Variants in PSD3 observed in about 807,000 individuals in gnomAD.
PSD3 encodes the protein pleckstrin and Sec7 domain containing 3, also known as PH and SEC7 domain-containing protein 3.
Under a neutral mutation model 105.5 loss-of-function variants are expected in PSD3, and 49 were observed. The ratio of observed to expected loss-of-function variants is 0.46; its 90% CI spans 0.37 to 0.59. PSD3 has a LOEUF of 0.59. Ranked by LOEUF, PSD3 falls within the 20% of genes least tolerant of loss-of-function variation. PSD3 has a pLI of 0.00. For missense variants in PSD3, 1,561 were observed against 1,263.8 expected, an observed-to-expected ratio of 1.24 and a Z score of -3.57; for synonymous variants, 557 against 457.8, an observed-to-expected ratio of 1.22 and a Z score of -2.77.
chr8:19,071,245 T>C (rs975828386), intron 1 of PSD3, among the ~76,000 whole-genome samples: 2 of 152,166 alleles, frequency 1.3e-5, no homozygotes, highest in African/African-American at 4.8e-5. Flanking sequence ...TTATTTATTT[T>C]TTAGTAGAGA....
chr8:18,866,302 T>C (rs952429148), intron 4 of PSD3, among the ~76,000 whole-genome samples: 3 of 152,214 alleles, frequency 2.0e-5, no homozygotes, highest in African/African-American at 4.8e-5. Flanking sequence ...ACTCTTCCAC[T>C]GAGAGACACT....
chr8:18,910,111 T>C (rs1206945994), intron 2 of PSD3, among the ~76,000 whole-genome samples: 1 of 152,162 alleles, frequency 6.6e-6, no homozygotes, highest in African/African-American at 2.4e-5. Context: ...GGAACTTGTA[T>C]TGAAAAGTCT....
chr8:18,868,997 C>A (rs983471560), intron 3 of PSD3, among the ~76,000 whole-genome samples: 3 of 152,110 alleles, frequency 2.0e-5, no homozygotes, highest in African/African-American at 7.2e-5. Flanking sequence ...CATAAGTCAT[C>A]CACATTCCCA....
At chr8:18,631,597 T>C (rs17644260) in intron 11 of PSD3, among the ~76,000 whole-genome samples, 5,107 of 151,956 alleles carry the variant, frequency 0.034, 120 homozygotes, top group East Asian at 0.1. Flanking sequence ...TTTGCTAAGA[T>C]GGATTCACTT....
At chr8:19,010,511 T>A (rs1333180067) in intron 1 of PSD3, among the ~76,000 whole-genome samples, 1 of 152,252 alleles carries the variant, frequency 6.6e-6, no homozygotes, top group Non-Finnish European at 1.5e-5. Flanking sequence ...GATTTAAGAA[T>A]AACTTGTTAA....
chr8:18,877,489 A>C (rs1242671259), intron 2 of PSD3, among the ~76,000 whole-genome samples: 1 of 151,986 alleles, frequency 6.6e-6, no homozygotes, highest in African/African-American at 2.4e-5. Context: ...ATTAATATAT[A>C]TGCAAAGGTT....
intron 9 of PSD3, among the ~76,000 whole-genome samples, chr8:18,664,171 C>T (rs929663071): frequency 2.0e-5 from 3 of 152,202 alleles, no homozygotes; most frequent in African/African-American, 7.2e-5. Flanking sequence ...ATGTCTCTCA[C>T]TTTAAATCAA....
intron 4 of PSD3, among the ~76,000 whole-genome samples, chr8:18,832,542 A>G (rs1386818351): frequency 6.6e-6 from 1 of 152,224 alleles, no homozygotes; most frequent in Non-Finnish European, 1.5e-5. Flanking sequence ...GTCAAGCATT[A>G]TCCTCCAACC....
At position 18,789,235 on chromosome 8, in the gene PSD3, A is replaced by T. The variant is rs934625878; in HGVS notation, c.2082+10060T>A. Among the ~76,000 whole-genome samples the T allele has an allele frequency of 4.6e-5, 7 of 152,220 alleles. No individual in the cohort carries two copies. In the East Asian group the frequency reaches 1.3e-3, roughly 29 times the overall value. ...CCCTATTTTTATAGTAACACTAAAA[A>T]CATTTTTTTCATTCTCTCAAATATA... On this transcript the variant is annotated intron_variant, in intron 8 of 15. Coordinates refer to ENST00000327040, the MANE Select transcript of PSD3 (RefSeq NM_015310.4).
intron 14 of PSD3, among the ~76,000 whole-genome samples, chr8:18,564,033 G>A (rs1463545813): frequency 6.6e-6 from 1 of 151,994 alleles, no homozygotes; most frequent in African/African-American, 2.4e-5. Context: ...ATGTCTAACA[G>A]TGCTGAACTC....
intron 9 of PSD3, among the ~76,000 whole-genome samples, chr8:18,747,402 A>C (rs1471261629): frequency 6.6e-6 from 1 of 152,256 alleles, no homozygotes; most frequent in Non-Finnish European, 1.5e-5. Context: ...GAAAGAAACC[A>C]GAAGTGGACA....
At position 18,723,259 on chromosome 8, in the gene PSD3, A is replaced by G. The variant is rs17127093; in HGVS notation, c.2172+42190T>C. On this transcript the variant is annotated intron_variant, in intron 9 of 15. Coordinates refer to ENST00000327040, the MANE Select transcript of PSD3 (RefSeq NM_015310.4). ...TTTGAAAAGCCCAGGTGTAACGATC[A>G]ATATTACTGTTATTGTTACTCTCTG... Among the ~76,000 whole-genome samples, 551 of 152,308 alleles carry G rather than the reference A, an allele frequency of 3.6e-3. 23 individuals are homozygous for G. The East Asian group carries it at 0.092, about 25-fold the overall frequency.
chr8:18,716,404 A>G (rs1585711924), intron 9 of PSD3, among the ~76,000 whole-genome samples: 1 of 152,152 alleles, frequency 6.6e-6, no homozygotes, highest in African/African-American at 2.4e-5. Flanking sequence ...AAAACACAAC[A>G]TTCTTGCAGG....
intron 2 of PSD3, among the ~76,000 whole-genome samples, chr8:18,891,932 A>C (rs1181270247): frequency 6.6e-6 from 1 of 152,212 alleles, no homozygotes; most frequent in African/African-American, 2.4e-5. Flanking sequence ...AGAAGAATAT[A>C]GAGAAAGTTT....
chr8:18,566,459 G>C (rs1801758134), intron 14 of PSD3, among the ~76,000 whole-genome samples: 2 of 151,414 alleles, frequency 1.3e-5, no homozygotes, highest in Admixed American at 1.3e-4. Context: ...CCGGGAGGTG[G>C]GGATTGCAGT....
Position 18,843,721 on chromosome 8 carries a change from C to T in PSD3, c.1634+23953G>A, listed in dbSNP as rs566341398. Among the ~76,000 whole-genome samples the T allele has an allele frequency of 7.2e-5, 11 of 152,214 alleles. No individual in the cohort carries two copies. In the South Asian group the frequency reaches 1.7e-3, roughly 23 times the overall value. ...GCTTTGTGATTAAGGGAACTAATAT[C>T]AAAAGCATGGTAAAATAGAGGTATA... On this transcript the variant is annotated intron_variant, in intron 4 of 15. Transcript: ENST00000327040.
intron 14 of PSD3, among the ~76,000 whole-genome samples, chr8:18,567,176 T>A (rs1006282757): frequency 2.0e-5 from 3 of 152,142 alleles, no homozygotes; most frequent in African/African-American, 7.2e-5. Context: ...GGATCTTTTA[T>A]AGAACTGAAT....
chr8:18,538,162 T>C (rs1006345614), intron 15 of PSD3, among the ~76,000 whole-genome samples: 7 of 152,266 alleles, frequency 4.6e-5, no homozygotes, highest in Non-Finnish European at 7.3e-5. Context: ...TCTGGAATCA[T>C]GTTAAATATG....
intron 1 of PSD3, among the ~76,000 whole-genome samples, chr8:19,031,066 C>T (rs985629421): frequency 1.3e-5 from 2 of 152,160 alleles, no homozygotes; most frequent in Non-Finnish European, 2.9e-5. Flanking sequence ...GGCAAATGGA[C>T]TATGTACCAG....
Sources: gnomAD v4.1 joint callset for allele counts (sites outside exome capture counted in the v4.1 genomes callset) on GRCh38, gnomAD v4.1.1 for gene constraint, MANE v1.5 for transcripts, NCBI Gene and HGNC (gene_info 2026-07-23, HGNC 2026-07-21) for gene names.